AMZ2: variants seen among roughly 807,000 people sequenced by gnomAD.
AMZ2 encodes the protein archaelysin family metallopeptidase 2, also known as archaemetzincin-2.
Under a neutral mutation model 36.7 loss-of-function variants are expected in AMZ2, and 26 were observed. The ratio of observed to expected loss-of-function variants is 0.71; its 90% CI spans 0.52 to 0.98. The LOEUF (loss-of-function observed/expected upper bound fraction) is 0.98. Ranked by LOEUF, AMZ2 falls within the 50% of genes least tolerant of loss-of-function variation. AMZ2 has a pLI of 0.00. For synonymous variants in AMZ2, 144 were observed against 149.1 expected (o/e 0.97, Z 0.25); for missense variants, 394 against 430.5 (o/e 0.92, Z 0.75).
intron 1 of AMZ2, among the ~76,000 whole-genome samples, chr17:68,218,280 G>A (rs782787610): frequency 1.3e-5 from 2 of 152,148 alleles, no homozygotes; most frequent in Non-Finnish European, 2.9e-5. Flanking sequence ...TACTAAAATA[G>A]AAATGGGCAG....
upstream of AMZ2, chr17:68,247,547 T>C: frequency 2.3e-6 from 2 of 856,658 alleles, no homozygotes; most frequent in Non-Finnish European, 2.8e-6. Flanking sequence ...CTTGCGCTTC[T>C]GGGTTCCAGC....
chr17:68,240,054 A>G (rs1417429618), intron 1 of AMZ2, among the ~76,000 whole-genome samples: 10 of 152,216 alleles, frequency 6.6e-5, no homozygotes, highest in Non-Finnish European at 1.5e-5. Context: ...AACAACAGAA[A>G]TTTATTTCCC....
chr17:68,210,998 G>T (rs528124747), intron 1 of AMZ2, among the ~76,000 whole-genome samples: 1 of 151,020 alleles, frequency 6.6e-6, no homozygotes, highest in African/African-American at 2.4e-5. Context: ...TTTATGTTAT[G>T]CATACTTTAC....
chr17:68,232,709 G>A (rs575479302), intron 1 of AMZ2, among the ~76,000 whole-genome samples: 3 of 152,210 alleles, frequency 2.0e-5, no homozygotes, highest in South Asian at 4.1e-4. Flanking sequence ...TGGGTGTGGT[G>A]CTGCATGCCT....
chr17:68,250,561 C>T (rs1317104975), intron 2 of AMZ2, 91 bp downstream of exon 2: 5 of 1,471,194 alleles, frequency 3.4e-6, no homozygotes, highest in Non-Finnish European at 4.6e-6. Flanking sequence ...TTCAGATGGG[C>T]CGTTTTAGGA....
rs781806292 is a variant in AMZ2, at chr17:68,250,421, C to G, written c.234C>G (p.Tyr78Ter). The G allele has an allele frequency of 1.2e-6, 2 of 1,614,088 alleles. No homozygotes were observed. Among genetic ancestry groups the G allele is most frequent in the African/African-American group, 2.7e-5 (2 of 74,926 alleles). Reference sequence around the variant, plus strand: ...TTGAACAGTTCTTCAGTGATCCTTACAGAAAGACACCCTCTCCAAACAAAC... The same window carrying G: ...TTGAACAGTTCTTCAGTGATCCTTAGAGAAAGACACCCTCTCCAAACAAAC... ...QDFEQFFSDP[Y>*]RKTPSPNKRS... Residue 78 changes from tyrosine (Y) to a stop codon, truncating the protein, a stop_gained, in exon 2 of 7, where the codon TAC becomes TAG. Transcript: ENST00000359904. LOFTEE classifies it high-confidence loss of function.
chr17:68,216,461 T>G (rs1331946512), intron 1 of AMZ2, among the ~76,000 whole-genome samples: 3 of 152,244 alleles, frequency 2.0e-5, no homozygotes, highest in African/African-American at 7.2e-5. Flanking sequence ...GTCTGCATTT[T>G]ATAGATGAAG....
intron 4 of AMZ2, among the ~76,000 whole-genome samples, chr17:68,253,632 A>G (rs2074659225): frequency 6.6e-6 from 1 of 152,210 alleles, no homozygotes; most frequent in African/African-American, 2.4e-5. Context: ...GCTTCAAGAC[A>G]TCAGGGGCAG....
At chr17:68,209,867 C>T (rs1024556805) in intron 1 of AMZ2, among the ~76,000 whole-genome samples, 7 of 151,284 alleles carry the variant, frequency 4.6e-5, no homozygotes, top group Non-Finnish European at 7.4e-5. Context: ...GTGATCCACC[C>T]CCTTTGGCCC....
chr17:68,238,377 G>A lies in AMZ2; in HGVS notation c.-66-10263G>A, dbSNP rs528461061. ...AGGGACTTTCTTCCTCCCCTCATTCGAACTTTCTTAGCTCCCACTCAAGTC... is the reference window on the plus strand; with the variant it reads ...AGGGACTTTCTTCCTCCCCTCATTCAAACTTTCTTAGCTCCCACTCAAGTC... On this transcript the variant is annotated intron_variant, in intron 1 of 7. Coordinates refer to the AMZ2 transcript ENST00000674770. Among the ~76,000 whole-genome samples the A allele has an allele frequency of 5.9e-5, 9 of 152,064 alleles. No homozygotes were observed. The South Asian group carries it at 1.5e-3, about 25-fold the overall frequency.
rs782208686 is a variant in AMZ2, at chr17:68,250,786, TA to T, written c.284-7del. 1.1e-5 allele frequency: 17 copies of T among 1,559,372 alleles called. No individual in the cohort carries two copies. The East Asian group carries it at 1.8e-4, about 17-fold the overall frequency. On this transcript the variant is annotated splice_region_variant and splice_polypyrimidine_tract_variant and intron_variant, in intron 2 of 6. Coordinates refer to ENST00000359904, the MANE Select transcript of AMZ2 (RefSeq NM_016627.5). ...AAGTCTGTTTTTAAATGTTCTTCCA[TA>T]TTGTAGGCTCTCTAGGAAACACCAG...
At position 68,248,063 on chromosome 17, in the gene AMZ2, G is replaced by C. The variant is rs1487456615; in HGVS notation, c.-643G>C. 4 of 986,210 alleles carry C rather than the reference G, an allele frequency of 4.1e-6. No homozygotes were observed. Among genetic ancestry groups the C allele is most frequent in the Non-Finnish European group, 4.8e-6 (4 of 830,610 alleles). 61.1% of individuals were successfully genotyped at this position (986,210 alleles called of 1,614,324 possible). A position where few individuals can be genotyped will look rare whatever the true frequency, so the allele number is the denominator to read the frequency against. On this transcript the variant is annotated 5_prime_UTR_variant, in exon 1 of 7. Coordinates refer to ENST00000359904, the MANE Select transcript of AMZ2 (RefSeq NM_016627.5). Reference sequence around the variant, plus strand: ...GGCGCAGTGCGAAGGGACGCGGTGCGCATGCGCGTGAGGGCTGCCGCGGGT... The same window carrying C: ...GGCGCAGTGCGAAGGGACGCGGTGCCCATGCGCGTGAGGGCTGCCGCGGGT...
In AMZ2 at chr17:68,209,632, A is replaced by ATATATATATATATATATGTATATATATTT; in HGVS notation, c.-67+3395_-67+3396insATATATATATATATATGTATATATATTTT. Among the ~76,000 whole-genome samples, 51 of 90,598 alleles carry ATATATATATATATATATGTATATATATTT rather than the reference A, an allele frequency of 5.6e-4. 1 individual carries two copies. Among genetic ancestry groups the ATATATATATATATATATGTATATATATTT allele is most frequent in the East Asian group, 5.0e-3 (12 of 2,396 alleles). 59.4% of individuals were successfully genotyped at this position (90,598 alleles called of 152,430 possible). ...TATGTATATATATATATATATATAT[A>ATATATATATATATATATGTATATATATTT]TTTTTTTTTTTTTTTATACAGAGTC... On this transcript the variant is annotated intron_variant, in intron 1 of 7. Coordinates refer to the AMZ2 transcript ENST00000674770.
At chr17:68,207,688 C>G (rs1189641099) in intron 1 of AMZ2, among the ~76,000 whole-genome samples, 1 of 152,216 alleles carries the variant, frequency 6.6e-6, no homozygotes, top group African/African-American at 2.4e-5. Flanking sequence ...GAGGTGACAC[C>G]GTGCTGGCAG....
chr17:68,209,630 A>ATTTTTTTTTTTTTT (rs1339157573), intron 1 of AMZ2, among the ~76,000 whole-genome samples: 12 of 98,476 alleles, frequency 1.2e-4, no homozygotes, highest in African/African-American at 5.3e-4. Context: ...ATATATATAT[A>ATTTTTTTTTTTTTT]TATTTTTTTT....
intron 1 of AMZ2, among the ~76,000 whole-genome samples, chr17:68,217,476 A>G (rs1322183531): frequency 6.6e-6 from 1 of 152,168 alleles, no homozygotes; most frequent in Non-Finnish European, 1.5e-5. Context: ...TATCTTGAGT[A>G]TTTTTCTATG....
intron 1 of AMZ2, among the ~76,000 whole-genome samples, chr17:68,223,035 G>A (rs2073408893): frequency 1.3e-5 from 2 of 152,080 alleles, no homozygotes; most frequent in Admixed American, 1.3e-4. Flanking sequence ...TGCTCTCGGA[G>A]GGAGGGGTAT....
intron 1 of AMZ2, among the ~76,000 whole-genome samples, chr17:68,208,157 G>A (rs12939214): frequency 0.13 from 19,054 of 152,174 alleles, 1,342 homozygotes; most frequent in Non-Finnish European, 0.16. Context: ...CCTGCCCCAC[G>A]GCGCCCAGTC....
intron 1 of AMZ2, among the ~76,000 whole-genome samples, chr17:68,234,355 A>C: frequency 6.6e-6 from 1 of 151,668 alleles, no homozygotes; most frequent in East Asian, 1.9e-4. Flanking sequence ...GGCTGGGGTG[A>C]AAGGATCGCC....
Sources: gnomAD v4.1 joint callset for allele counts (sites outside exome capture counted in the v4.1 genomes callset) on GRCh38, gnomAD v4.1.1 for gene constraint, MANE v1.5 for transcripts, NCBI Gene and HGNC (gene_info 2026-07-23, HGNC 2026-07-21) for gene names.